Variants in GSR observed in about 807,000 individuals in gnomAD.
GSR encodes glutathione reductase, mitochondrial.
A neutral mutation model predicts 56.5 loss-of-function variants in GSR; 48 were observed. The ratio of observed to expected loss-of-function variants is 0.85; its 90% CI spans 0.67 to 1.08. The LOEUF (loss-of-function observed/expected upper bound fraction) is 1.08, where lower values mean the gene tolerates loss of function less well. Ranked by LOEUF, GSR falls within the 50% of genes least tolerant of loss-of-function variation. The pLI, the probability that GSR is intolerant of heterozygous loss-of-function variation, is 0.00. For synonymous variants in GSR, 264 were observed against 270.8 expected, an observed-to-expected ratio of 0.97 and a Z score of 0.25; for missense variants, 694 against 703.3, an observed-to-expected ratio of 0.99 and a Z score of 0.15.
chr8:30,701,550 G>A (rs1803741409), intron 5 of GSR, among the ~76,000 whole-genome samples: 2 of 151,952 alleles, frequency 1.3e-5, no homozygotes, highest in Non-Finnish European at 1.5e-5. Flanking sequence ...AGCACTTTGG[G>A]AGGCCAAGGT....
At chr8:30,698,648 G>A (rs1293010542) in intron 6 of GSR, among the ~76,000 whole-genome samples, 1 of 152,208 alleles carries the variant, frequency 6.6e-6, no homozygotes, top group Non-Finnish European at 1.5e-5. Context: ...CGTGCTGTCT[G>A]AACTGTCCAT....
chr8:30,707,656 C>T (rs1040676675), intron 4 of GSR, among the ~76,000 whole-genome samples: 1 of 150,934 alleles, frequency 6.6e-6, no homozygotes, highest in South Asian at 2.1e-4. Context: ...GAGACCTGGT[C>T]GTTAAAAATA....
intron 9 of GSR, among the ~76,000 whole-genome samples, chr8:30,686,707 A>G (rs1470992969): frequency 6.6e-6 from 1 of 152,124 alleles, no homozygotes; most frequent in African/African-American, 2.4e-5. Context: ...CCCCCCAAAA[A>G]AAGTTAGCAA....
At chr8:30,697,039 C>G (rs1354322485) in intron 6 of GSR, among the ~76,000 whole-genome samples, 1 of 151,774 alleles carries the variant, frequency 6.6e-6, no homozygotes, top group African/African-American at 2.4e-5. Flanking sequence ...GTTCCAAGAT[C>G]CAATCCTGGA....
At chr8:30,699,084 T>C (rs1803641600) in intron 6 of GSR, among the ~76,000 whole-genome samples, 1 of 152,090 alleles carries the variant, frequency 6.6e-6, no homozygotes, top group Non-Finnish European at 1.5e-5. Flanking sequence ...CCAGGAATTC[T>C]AGACCAGCCT....
chr8:30,686,704 A>C lies in GSR; in HGVS notation c.1041+2457T>G, dbSNP rs184758817. Among the ~76,000 whole-genome samples, 1,298 of 149,128 alleles carry C rather than the reference A, an allele frequency of 8.7e-3. 16 individuals carry two copies. Among genetic ancestry groups the C allele is most frequent in the Middle Eastern group, 0.028 (8 of 290 alleles). On this transcript the variant is annotated intron_variant, in intron 9 of 12. Transcript: ENST00000221130. ...AGCAAGACCCTATCCAACCCCCCCA[A>C]AAAAAGTTAGCAAATTTAGTTGAAA... is the stretch of plus-strand genomic sequence containing the variant.
intron 3 of GSR, 29 bp from the exon 4 acceptor site, chr8:30,708,170 A>G (rs373169311): frequency 3.3e-6 from 5 of 1,518,418 alleles, no homozygotes; most frequent in African/African-American, 1.4e-5. Context: ...CAGTATTCAG[A>G]AACAGGATCT....
At position 30,727,527 on chromosome 8, in the gene GSR, C is replaced by CA. The variant is rs745782887; in HGVS notation, c.306+2dup. 6.5e-7 allele frequency: 1 copy of CA among 1,537,414 alleles called. No homozygotes were observed. Among genetic ancestry groups the CA allele is most frequent in the South Asian group, 1.2e-5 (1 of 83,578 alleles). On this transcript the variant is annotated splice_region_variant and intron_variant, in intron 1 of 12. Transcript: ENST00000221130. ...CCCGCCCGAACAAACCGGCGGTACTCACGCAAGTGCCACCCAGCTTGTGGC... is the reference window on the plus strand; with the variant it reads ...CCCGCCCGAACAAACCGGCGGTACTCAACGCAAGTGCCACCCAGCTTGTGGC...
At chr8:30,700,386 A>G (rs566947157) in intron 5 of GSR, among the ~76,000 whole-genome samples, 2 of 152,186 alleles carry the variant, frequency 1.3e-5, no homozygotes, top group Non-Finnish European at 2.9e-5. Flanking sequence ...TGAAGATCTC[A>G]GTGGTCATGA....
intron 5 of GSR, 96 bp from the exon 6 acceptor site, chr8:30,700,231 C>A (rs936599022): frequency 3.4e-6 from 3 of 885,642 alleles, no homozygotes; most frequent in Middle Eastern, 2.1e-4. Flanking sequence ...ACTTTCACAG[C>A]CAACATAGTC....
At chr8:30,722,731 CAAAAAAAA>C (rs200083922) in intron 1 of GSR, among the ~76,000 whole-genome samples, 89,706 of 114,206 alleles carry the variant, frequency 0.79, 36,104 homozygotes, top group Non-Finnish European at 0.9. Flanking sequence ...GACCCTGTCT[CAAAAAAAA>C]AAAAAAAAAA....
chr8:30,721,924 G>A (rs1464214039), intron 1 of GSR, among the ~76,000 whole-genome samples: 2 of 151,634 alleles, frequency 1.3e-5, no homozygotes, highest in East Asian at 3.9e-4. Flanking sequence ...GGCTGGGCAG[G>A]AGAATCGCTT....
chr8:30,706,341 A>T (rs1433670980), intron 4 of GSR, among the ~76,000 whole-genome samples: 2 of 151,818 alleles, frequency 1.3e-5, no homozygotes, highest in African/African-American at 2.4e-5. Flanking sequence ...CTCTACTAAA[A>T]ATACAAAAAA....
chr8:30,700,858 T>C (rs1215735415), intron 5 of GSR, among the ~76,000 whole-genome samples: 1 of 151,818 alleles, frequency 6.6e-6, no homozygotes, highest in African/African-American at 2.4e-5. Context: ...ATACATGTAG[T>C]GAAAAGGAGA....
At chr8:30,689,500 C>A (rs1803288225) in intron 8 of GSR, among the ~76,000 whole-genome samples, 181 bp from the exon 9 acceptor site, 3 of 152,106 alleles carry the variant, frequency 2.0e-5, no homozygotes, top group Admixed American at 2.0e-4. Context: ...CTCCCTTAAA[C>A]CAAGCCTGTT....
chr8:30,715,453 G>T (rs1280183142), intron 1 of GSR, among the ~76,000 whole-genome samples: 13 of 152,136 alleles, frequency 8.5e-5, no homozygotes, highest in Admixed American at 8.5e-4. Flanking sequence ...CACAGCAGGG[G>T]TTTCCTAATG....
At chr8:30,689,439 C>A in intron 8 of GSR, 120 bp from the exon 9 acceptor site, 2 of 833,546 alleles carry the variant, frequency 2.4e-6, no homozygotes, top group East Asian at 5.0e-5. Context: ...TACTGAATCC[C>A]ACATACAAAG....
rs1586028469 is a variant in GSR at position 30,679,194 on chromosome 8, C to A, written c.*326G>T. ...GTAGCAAGTTCTATTCATTCAAGTA[C>A]ATTAAGTTAATTGTACTTCACAAAG... On this transcript the variant is annotated 3_prime_UTR_variant, in exon 13 of 13. Transcript: ENST00000221130. The A allele has an allele frequency of 4.4e-5, 11 of 251,238 alleles. No individual in the cohort carries two copies. The highest frequency in any genetic ancestry group is 9.4e-5 in the South Asian group (2 of 21,264). The allele number at this position is 251,238 out of a possible 1,614,324, so 15.6% of individuals were successfully genotyped here.
chr8:30,712,035 A>G (rs1183489903), intron 2 of GSR, 27 bp downstream of exon 2: 3 of 1,198,144 alleles, frequency 2.5e-6, no homozygotes, highest in Non-Finnish European at 3.7e-6. Context: ...AAAGGATTGT[A>G]AAGGGAAAGA....
Sources: allele counts gnomAD v4.1 joint callset (sites outside exome capture counted in the v4.1 genomes callset), GRCh38; gene constraint gnomAD v4.1.1; transcripts MANE v1.5; gene names NCBI Gene and HGNC (gene_info 2026-07-23, HGNC 2026-07-21).